Variants in DMD observed in about 807,000 individuals in gnomAD.
DMD encodes the protein mutant dystrophin.
In DMD, 63 loss-of-function variants were observed where a neutral mutation model predicts 330.1. The observed-to-expected ratio is 0.19, with a 90% CI of 0.16 to 0.24. The LOEUF is 0.24. Ranked by LOEUF, DMD falls within the 10% of genes least tolerant of loss-of-function variation. DMD has a pLI of 1.00. For missense variants in DMD, 3,344 were observed against 2,684.1 expected, an observed-to-expected ratio of 1.25 and a Z score of -5.43; for synonymous variants, 1,223 against 959.8, an observed-to-expected ratio of 1.27 and a Z score of -5.07.
At chrX:31,930,264 C>T (rs1376807398) in intron 46 of DMD, among the ~76,000 whole-genome samples, 1 of 110,828 alleles carries the variant, frequency 9.0e-6, no homozygotes, top group East Asian at 2.9e-4. Context: ...ATAATTATAT[C>T]AGGTAGATCC....
chrX:31,729,202 C>G (rs2086315052), intron 52 of DMD, among the ~76,000 whole-genome samples: 1 of 111,484 alleles, frequency 9.0e-6, no homozygotes, highest in Non-Finnish European at 1.9e-5. Flanking sequence ...GGAGAGATAT[C>G]CAGATCTGAA....
chrX:32,810,522 A>T (rs1168893168), intron 6 of DMD, among the ~76,000 whole-genome samples: 2 of 112,036 alleles, frequency 1.8e-5, no homozygotes, highest in Admixed American at 9.5e-5. Context: ...TTAAAATTGC[A>T]GTTGCTCAGA....
Position 31,845,814 on chromosome X carries a change from G to A in DMD, c.7099-8995C>T, listed in dbSNP as rs188155690. On this transcript the variant is annotated intron_variant, in intron 48 of 78. Transcript: ENST00000357033. The stretch of plus-strand genomic sequence containing the variant: ...CTATATGGAAGGAATAATGTTTTCA[G>A]GTTGGAGACATGAGTCAAGATGCCT... 2.9e-3 allele frequency among the ~76,000 whole-genome samples: 327 copies of A among 111,580 alleles called. 3 individuals are homozygous for A. The highest frequency in any genetic ancestry group is 2.8e-3 in the Non-Finnish European group (147 of 53,030).
intron 51 of DMD, among the ~76,000 whole-genome samples, chrX:31,759,525 G>A (rs752800906): frequency 3.6e-5 from 4 of 111,326 alleles, no homozygotes; most frequent in Non-Finnish European, 7.5e-5. Flanking sequence ...AATTACTTAC[G>A]TAACACTATC....
At chrX:32,475,773 T>C (rs138924664) in intron 21 of DMD, among the ~76,000 whole-genome samples, 1,356 of 110,811 alleles carry the variant, frequency 0.012, 3 homozygotes, top group Middle Eastern at 0.023. Flanking sequence ...CTAGAAACTT[T>C]CTGGAGGAAT....
At chrX:32,589,783 CCTT>C (rs910392343) in intron 13 of DMD, among the ~76,000 whole-genome samples, 1 of 111,333 alleles carries the variant, frequency 9.0e-6, no homozygotes, top group African/African-American at 3.3e-5. Context: ...TAGCTATAAA[CCTT>C]CTAAGTTAAT....
Position 32,474,208 on chromosome X carries a change from TACAC to T in DMD, c.2804-1903_2804-1900del, listed in dbSNP as rs3045001. ...ATTCCATCATATATACATACATACA[TACAC>T]ACACACACACACACACACACACACT... On this transcript the variant is annotated intron_variant, in intron 21 of 78. Transcript: ENST00000357033. Among the ~76,000 whole-genome samples the T allele has an allele frequency of 9.7e-4, 40 of 41,322 alleles. 1 individual carries two copies. Among genetic ancestry groups the T allele is most frequent in the East Asian group, 3.3e-3 (3 of 909 alleles). 35.9% of individuals were successfully genotyped at this position (41,322 alleles called of 115,157 possible).
At chrX:32,175,556 A>T (rs1348627083) in intron 44 of DMD, among the ~76,000 whole-genome samples, 1 of 110,935 alleles carries the variant, frequency 9.0e-6, no homozygotes, top group African/African-American at 3.3e-5. Context: ...AAGAGCTGTA[A>T]CAGTCACCGC....
At chrX:31,471,525 A>T (rs2067304299) in intron 59 of DMD, among the ~76,000 whole-genome samples, 1 of 111,820 alleles carries the variant, frequency 8.9e-6, no homozygotes, top group African/African-American at 3.3e-5. Context: ...CTGCAGTTGG[A>T]AATGCAGAAA....
chrX:31,336,323 G>A (rs1452223073), intron 61 of DMD, among the ~76,000 whole-genome samples: 1 of 111,926 alleles, frequency 8.9e-6, no homozygotes, highest in Non-Finnish European at 1.9e-5. Flanking sequence ...CACAGCTAAG[G>A]GAGGGGAGTG....
At chrX:31,308,225 G>A (rs1328185149) in intron 62 of DMD, among the ~76,000 whole-genome samples, 1 of 112,175 alleles carries the variant, frequency 8.9e-6, no homozygotes, top group Non-Finnish European at 1.9e-5. Context: ...GGCTCCTGAA[G>A]AAAGCTTGGG....
chrX:32,985,404 A>G (rs1001257883), intron 2 of DMD, among the ~76,000 whole-genome samples: 1 of 112,182 alleles, frequency 8.9e-6, no homozygotes, highest in African/African-American at 3.2e-5. Flanking sequence ...TTCCATTTAC[A>G]AGGGAAAACG....
At chrX:32,031,383 T>C (rs974860244) in intron 44 of DMD, among the ~76,000 whole-genome samples, 1 of 111,339 alleles carries the variant, frequency 9.0e-6, no homozygotes, top group East Asian at 2.8e-4. Flanking sequence ...TTACTGTAGA[T>C]TGCACTGGTT....
At chrX:32,288,163 C>T (rs148503674) in intron 42 of DMD, among the ~76,000 whole-genome samples, 7,816 of 111,267 alleles carry the variant, frequency 0.07, 657 homozygotes, top group African/African-American at 0.24. Flanking sequence ...CTAACAAATG[C>T]TAATTTCTCA....
Position 33,232,126 on chromosome X carries a change from GAATACTTTATCAGAC to G in DMD, c.7+107118_7+107132del, listed in dbSNP as rs767065340. 8.0e-5 allele frequency among the ~76,000 whole-genome samples: 9 copies of G among 112,116 alleles called. No homozygotes were observed. In the South Asian group the frequency reaches 3.3e-3, roughly 41 times the overall value. On this transcript the variant is annotated intron_variant, in intron 1 of 17. Coordinates refer to the DMD transcript ENST00000288447. ...TATCCTTCAAAAGTAAAAGAGAAAT[GAATACTTTATCAGAC>G]AAACACGCTGAGGGAATTTGCTGCC...
intron 1 of DMD, among the ~76,000 whole-genome samples, chrX:33,258,115 T>C (rs776114570): frequency 9.0e-6 from 1 of 111,480 alleles, no homozygotes; most frequent in Admixed American, 9.6e-5. Context: ...TTCAGCACAA[T>C]GTTTTATGCA....
rs1180980592 is a variant in DMD at position 32,452,328 on chromosome X, TGAAAGTGAAAGGGAAAGG to T, written c.3603+2316_3603+2333del. 7.6e-3 allele frequency among the ~76,000 whole-genome samples: 105 copies of T among 13,878 alleles called. 7 individuals carry two copies. The highest frequency in any genetic ancestry group is 0.022 in the African/African-American group (62 of 2,798). The allele number at this position is 13,878 out of a possible 115,157, so 12.1% of individuals were successfully genotyped here. A position where few individuals can be genotyped will look rare whatever the true frequency, so the allele number is the denominator to read the frequency against. On this transcript the variant is annotated intron_variant, in intron 26 of 78. Coordinates refer to ENST00000357033, the MANE Select transcript of DMD (RefSeq NM_004006.3). ...GGGAAAGTGAAAGTGAAAGTGAAAG[TGAAAGTGAAAGGGAAAGG>T]GAAAGGGAAAGGGAAAGGGAAAGGG...
At chrX:32,949,952 A>C (rs2091123211) in intron 2 of DMD, among the ~76,000 whole-genome samples, 1 of 97,937 alleles carries the variant, frequency 1.0e-5, no homozygotes, top group African/African-American at 3.7e-5. Context: ...CATCCAGTGT[A>C]AAGGTGCAGA....
intron 64 of DMD, among the ~76,000 whole-genome samples, chrX:31,218,852 G>A (rs1003296499): frequency 7.2e-5 from 8 of 111,037 alleles, no homozygotes; most frequent in Non-Finnish European, 1.5e-4. Flanking sequence ...CAGGGTTCAC[G>A]GTCCTTCTCT....
Sources: allele counts gnomAD v4.1 joint callset (sites outside exome capture counted in the v4.1 genomes callset), GRCh38; gene constraint gnomAD v4.1.1; transcripts MANE v1.5; gene names NCBI Gene and HGNC (gene_info 2026-07-23, HGNC 2026-07-21).